The following SYNPO variants were observed in gnomAD, a reference collection of about 807,000 sequenced individuals.
The protein encoded by SYNPO is synaptopodin.
Under a neutral mutation model 49.5 loss-of-function variants are expected in SYNPO, and 19 were observed. The observed-to-expected ratio is 0.38, with a 90% CI of 0.27 to 0.56. The LOEUF (loss-of-function observed/expected upper bound fraction) is 0.56, where lower values mean the gene tolerates loss of function less well. Ranked by LOEUF, SYNPO falls within the 20% of genes least tolerant of loss-of-function variation. SYNPO has a pLI of 0.68. For synonymous variants in SYNPO, 536 were observed against 548.0 expected (o/e 0.98, Z 0.31); for missense variants, 1,131 against 1,248.3 (o/e 0.91, Z 1.42).
intron 2 of SYNPO, chr5:150,650,754 C>A (rs1758347625): frequency 1.5e-6 from 2 of 1,300,946 alleles, no homozygotes; most frequent in Non-Finnish European, 2.0e-6. Context: ...AGTCAGCCAG[C>A]CGAGGGTCTG....
rs1756926508 is a variant in SYNPO at position 150,614,258 on chromosome 5, C to A, written c.-265-3845C>A. 3.9e-5 allele frequency among the ~76,000 whole-genome samples: 6 copies of A among 152,340 alleles called. No individual in the cohort carries two copies. In the South Asian group the frequency reaches 1.0e-3, roughly 26 times the overall value. The stretch of plus-strand genomic sequence containing the variant: ...GCAGCCACTGGGTGAGAATTCCAAC[C>A]CAGACCTGATGCCAAAGCCAGTGCC... On this transcript the variant is annotated intron_variant, in intron 1 of 2. Coordinates refer to the SYNPO transcript ENST00000394243.
chr5:150,614,084 C>T lies in SYNPO; in HGVS notation c.-265-4019C>T, dbSNP rs533425838. On this transcript the variant is annotated intron_variant, in intron 1 of 2. Coordinates refer to the SYNPO transcript ENST00000394243. ...AGCAGGTGAGCAGCACACAGCAATGCTTCCTCATTCCCCACTGGGTGAAGG... is the reference window on the plus strand; with the variant it reads ...AGCAGGTGAGCAGCACACAGCAATGTTTCCTCATTCCCCACTGGGTGAAGG... Among the ~76,000 whole-genome samples, 3 of 152,332 alleles carry T rather than the reference C, an allele frequency of 2.0e-5. No individual in the cohort carries two copies. In the East Asian group the frequency reaches 5.8e-4, roughly 29 times the overall value.
chr5:150,592,116 G>A, the SYNPO span, among the ~76,000 whole-genome samples: 7 of 152,062 alleles, frequency 4.6e-5, no homozygotes, highest in African/African-American at 1.7e-4. Context: ...GGTGAGCTGA[G>A]ATTGCTCCAT....
Position 150,648,542 on chromosome 5 carries a change from C to A in SYNPO, c.267C>A (p.His89Gln), listed in dbSNP as rs1411944737. The change falls in exon 2 of 3, where the codon CAC becomes CAA. Residue 89 changes from histidine (H) to glutamine (Q), a missense_variant. Physicochemically the swap from His to Gln is conservative, Grantham distance 24. This residue lies in a region of SYNPO where 602 missense variants were observed against 720.7 expected (regional missense o/e 0.84). Transcript: ENST00000307662. The surrounding 1 kb of genome is among the most constrained non-coding windows in gnomAD (Gnocchi z 5.0). The stretch of plus-strand genomic sequence containing the variant: ...CCACACCAACTTCTAACAGCAGCCA[C>A]AATCCGCCAGCCACCGATGTCAATC... ...TLTTPTSNSS[H>Q]NPPATDVNQN... The A allele has an allele frequency of 1.2e-6, 2 of 1,614,028 alleles. No homozygotes were observed. The highest frequency in any genetic ancestry group is 4.5e-5 in the East Asian group (2 of 44,890).
At position 150,649,973 on chromosome 5, in the gene SYNPO, G is replaced by T; in HGVS notation, c.1698G>T (p.Gln566His). The change falls in exon 2 of 3, where the codon CAG becomes CAT. Residue 566 changes from glutamine (Q) to histidine (H), a missense_variant. Physicochemically the swap from Gln to His is conservative, Grantham distance 24 (BLOSUM62 0). Transcript: ENST00000307662. Reference sequence around the variant, plus strand: ...AGCCCACCAAGCAGCCGCCATACCAGCTGCGCCCCTCGCTCTTTGTCCTCT... The same window carrying T: ...AGCCCACCAAGCAGCCGCCATACCATCTGCGCCCCTCGCTCTTTGTCCTCT... ...RPEPTKQPPY[Q>H]LRPSLFVLSP... The T allele has an allele frequency of 6.2e-7, 1 of 1,612,902 alleles. No individual in the cohort carries two copies.
At chr5:150,596,190 C>G (rs910507605), upstream of SYNPO, among the ~76,000 whole-genome samples, 11 of 152,190 alleles carry the variant, frequency 7.2e-5, no homozygotes, top group African/African-American at 2.7e-4. Context: ...CTCCTGACCT[C>G]CAAATCCAGG....
intron 1 of SYNPO, among the ~76,000 whole-genome samples, chr5:150,641,293 G>C (rs1158139565): frequency 6.6e-6 from 1 of 152,170 alleles, no homozygotes; most frequent in African/African-American, 2.4e-5. Context: ...GTTGTGCAGT[G>C]GCCAGTCATT....
chr5:150,608,101 C>A (rs1349418675), intron 1 of SYNPO, among the ~76,000 whole-genome samples: 1 of 152,254 alleles, frequency 6.6e-6, no homozygotes, highest in Non-Finnish European at 1.5e-5. Context: ...TAGGAAGAAT[C>A]CATAAATGTC....
intron 1 of SYNPO, among the ~76,000 whole-genome samples, chr5:150,607,511 A>G (rs1190598106): frequency 6.6e-6 from 1 of 152,236 alleles, no homozygotes; most frequent in Non-Finnish European, 1.5e-5. Context: ...GTGCCAGGAT[A>G]GCTGATCTTT....
chr5:150,648,991 C>T lies in SYNPO; in HGVS notation c.716C>T (p.Thr239Met), dbSNP rs1758229437. The T allele has an allele frequency of 2.1e-5, 34 of 1,614,242 alleles. No individual in the cohort carries two copies. The highest frequency in any genetic ancestry group is 2.6e-5 in the Non-Finnish European group (31 of 1,180,038). ...LAKPPSVVNRTARPFGIQAPG... is the reference protein window; with the variant it reads ...LAKPPSVVNRMARPFGIQAPG... ...AAGCCCCCATCAGTGGTCAACAGGA[C>T]GGCCAGGCCTTTTGGGATCCAGGCG... Residue 239 changes from threonine (T) to methionine (M), a missense_variant, in exon 2 of 3, where the codon ACG becomes ATG. By Grantham distance (81) the Thr-to-Met change is moderately conservative (BLOSUM62 -1). Around this residue, in one of 4 missense-constraint regions of SYNPO, gnomAD observed 602 missense variants for 720.7 expected, o/e 0.84. Coordinates refer to ENST00000307662, the MANE Select transcript of SYNPO (RefSeq NM_007286.6). The surrounding 1 kb of genome is among the most constrained non-coding windows in gnomAD (Gnocchi z 5.0).
the SYNPO span, among the ~76,000 whole-genome samples, chr5:150,595,470 A>C: frequency 4.6e-5 from 7 of 152,192 alleles, no homozygotes; most frequent in African/African-American, 1.7e-4. Context: ...GGGTCTCCAC[A>C]CTTGGCTGAC....
chr5:150,609,904 T>C (rs961399583), intron 1 of SYNPO, among the ~76,000 whole-genome samples: 1 of 152,142 alleles, frequency 6.6e-6, no homozygotes, highest in Admixed American at 6.5e-5. Context: ...CATTTTCTGG[T>C]GTGGCCAAGG....
rs148365390 is a variant in SYNPO at position 150,650,039 on chromosome 5, C to T, written c.1764C>T (p.Ala588=). The change falls in exon 2 of 3, where the codon GCC becomes GCT. Residue 588 remains alanine (A), a synonymous_variant. Coordinates refer to ENST00000307662, the MANE Select transcript of SYNPO (RefSeq NM_007286.6). The part of the protein sequence containing the change: ...KEPAKVSPRA[A]SPAKPSSLDL... ...CTGCCAAGGTCTCACCAAGAGCTGC[C>T]TCGCCCGCCAAGCCCAGCTCCTTGG... The T allele has an allele frequency of 8.1e-6, 13 of 1,612,628 alleles. No individual in the cohort carries two copies. In the African/African-American group the frequency reaches 1.6e-4, roughly 20 times the overall value.
At chr5:150,618,415 G>A in exon 2 of SYNPO, 1 of 1,551,566 alleles carries the variant, frequency 6.4e-7, no homozygotes, top group Non-Finnish European at 8.7e-7. Flanking sequence ...CCAGCGAAGG[G>A]AGGCCTACCC....
chr5:150,639,388 T>C (rs1374888165), upstream of SYNPO, among the ~76,000 whole-genome samples: 2 of 152,226 alleles, frequency 1.3e-5, no homozygotes, highest in Admixed American at 1.3e-4. Context: ...CTGGGGCCTC[T>C]GGGCCAGGTT....
intron 1 of SYNPO, among the ~76,000 whole-genome samples, chr5:150,642,056 A>C (rs1271677170): frequency 6.6e-6 from 1 of 152,214 alleles, no homozygotes; most frequent in African/African-American, 2.4e-5. Context: ...TCTGAGCCCC[A>C]GTTTCATCTG....
chr5:150,616,000 C>A (rs540223263), intron 1 of SYNPO, among the ~76,000 whole-genome samples: 1 of 152,196 alleles, frequency 6.6e-6, no homozygotes, highest in African/African-American at 2.4e-5. Flanking sequence ...TGTTCTTCCC[C>A]GGGGGGCAGA....
Position 150,602,997 on chromosome 5 carries a change from GGTGTGT to G in SYNPO, c.-266+1849_-266+1854del, listed in dbSNP as rs3062133. ...GTGGAAAGCCCAGTTGCCACCTTAGGGTGTGTGTGTGTGTGTGTGTGTGTGTGTGTG... is the reference window on the plus strand; with the variant it reads ...GTGGAAAGCCCAGTTGCCACCTTAGGGTGTGTGTGTGTGTGTGTGTGTGTG... On this transcript the variant is annotated intron_variant, in intron 1 of 2. Transcript: ENST00000394243. Among the ~76,000 whole-genome samples the G allele has an allele frequency of 9.8e-4, 128 of 131,248 alleles. No homozygotes were observed. The Middle Eastern group carries it at 0.012, about 12-fold the overall frequency. 86.1% of individuals were successfully genotyped at this position (131,248 alleles called of 152,430 possible). A position where few individuals can be genotyped will look rare whatever the true frequency, so the allele number is the denominator to read the frequency against.
chr5:150,615,946 C>T (rs1042567190), intron 1 of SYNPO, among the ~76,000 whole-genome samples: 6 of 152,320 alleles, frequency 3.9e-5, no homozygotes, highest in South Asian at 2.1e-4. Flanking sequence ...TGAGAAATTA[C>T]GGCAATAACC....
Sources: allele counts gnomAD v4.1 joint callset (sites outside exome capture counted in the v4.1 genomes callset), GRCh38; gene constraint gnomAD v4.1.1; regional missense constraint gnomAD v4.1.1; non-coding constraint Gnocchi (gnomAD v3.1); transcripts MANE v1.5; gene names NCBI Gene and HGNC (gene_info 2026-07-23, HGNC 2026-07-21).